Variants in KNDC1 observed in about 807,000 individuals in gnomAD.
KNDC1 encodes kinase non-catalytic C-lobe domain-containing protein 1.
In KNDC1, 106 loss-of-function variants were observed where a neutral mutation model predicts 172.8. The observed-to-expected ratio is 0.61, with a 90% CI of 0.52 to 0.72. The LOEUF (loss-of-function observed/expected upper bound fraction) is 0.72, where lower values mean the gene tolerates loss of function less well. Ranked by LOEUF, KNDC1 falls within the 30% of genes least tolerant of loss-of-function variation. The probability of loss-of-function intolerance (pLI) is 0.00; values close to 1 mark genes in which losing one functional copy is unlikely to be tolerated. For synonymous variants in KNDC1, 1,083 were observed against 1,062.2 expected (o/e 1.02, Z -0.38); for missense variants, 2,325 against 2,394.5 (o/e 0.97, Z 0.61).
At position 133,211,583 on chromosome 10, in the gene KNDC1, T is replaced by C. The variant is rs1270938408; in HGVS notation, c.4056+14T>C. 6 of 1,609,570 alleles carry C rather than the reference T, an allele frequency of 3.7e-6. No individual in the cohort carries two copies. In the South Asian group the frequency reaches 6.6e-5, roughly 18 times the overall value. On this transcript the variant is annotated intron_variant, in intron 22 of 29. Transcript: ENST00000304613. Reference sequence around the variant, plus strand: ...ATCTCCTCCAAGGTGACAGTGGCGCTGAGCTGGGCGGCCGCACCCGGGGCT... The same window carrying C: ...ATCTCCTCCAAGGTGACAGTGGCGCCGAGCTGGGCGGCCGCACCCGGGGCT...
At chr10:133,190,579 G>A (rs978840083) in intron 9 of KNDC1, among the ~76,000 whole-genome samples, 1 of 152,252 alleles carries the variant, frequency 6.6e-6, no homozygotes, top group Non-Finnish European at 1.5e-5. Flanking sequence ...AGGTAAAGAA[G>A]CCGGTGACCG....
chr10:133,201,270 C>T (rs1214732138), intron 16 of KNDC1, among the ~76,000 whole-genome samples: 1 of 152,184 alleles, frequency 6.6e-6, no homozygotes, highest in East Asian at 1.9e-4. Context: ...GAGTGGGGCT[C>T]CATCTGGGGA....
chr10:133,186,535 C>T lies in KNDC1; in HGVS notation c.1187C>T (p.Pro396Leu), dbSNP rs775007849. 2.3e-5 allele frequency: 37 copies of T among 1,611,832 alleles called. No homozygotes were observed. Among genetic ancestry groups the T allele is most frequent in the Non-Finnish European group, 2.9e-5 (34 of 1,179,886 alleles). The change falls in exon 6 of 30, where the codon CCC becomes CTC. Residue 396 changes from proline to leucine, a missense_variant. Physicochemically the swap from Pro to Leu is moderately conservative, Grantham distance 98 (BLOSUM62 -3). Transcript: ENST00000304613. ...GPGVPGSPGQ[P>L]ETSHPSQGPA... The stretch of plus-strand genomic sequence containing the variant: ...GGGGTGCCCGGCAGTCCAGGACAGC[C>T]CGAGACTTCACACCCCAGCCAGGGG...
At chr10:133,180,084 C>T (rs1035871135) in intron 3 of KNDC1, among the ~76,000 whole-genome samples, 2 of 152,232 alleles carry the variant, frequency 1.3e-5, no homozygotes, top group Non-Finnish European at 2.9e-5. Context: ...CAACATGACC[C>T]CCAGGGAACT....
intron 9 of KNDC1, among the ~76,000 whole-genome samples, chr10:133,191,891 G>C (rs573000856): frequency 1.2e-4 from 18 of 152,342 alleles, no homozygotes; most frequent in African/African-American, 4.3e-4. Flanking sequence ...AGTGTCCAGT[G>C]CCTGCCCTGG....
At chr10:133,200,671 G>A (rs1438435239) in intron 16 of KNDC1, among the ~76,000 whole-genome samples, 1 of 151,964 alleles carries the variant, frequency 6.6e-6, no homozygotes, top group Non-Finnish European at 1.5e-5. Context: ...CCAGCCAAAG[G>A]CCGTCCTCTC....
rs371220298 is a variant in KNDC1, at chr10:133,186,402, C to T, written c.1054C>T (p.Leu352Phe). 1.9e-6 allele frequency: 3 copies of T among 1,612,642 alleles called. No individual in the cohort carries two copies. Among genetic ancestry groups the T allele is most frequent in the Non-Finnish European group, 2.5e-6 (3 of 1,179,962 alleles). The change falls in exon 6 of 30, where the codon CTT (leucine) becomes TTT (phenylalanine). Residue 352 changes from leucine (L) to phenylalanine (F), a missense_variant. Transcript: ENST00000304613. ...RKAFLDRKNG[L>F]SSFQAQPKCR... ...GGCCTTTCTGGACAGGAAAAATGGC[C>T]TTTCTAGCTTCCAGGCTCAGCCCAA...
At chr10:133,189,024 A>G (rs1011698583) in intron 7 of KNDC1, among the ~76,000 whole-genome samples, 1 of 152,034 alleles carries the variant, frequency 6.6e-6, no homozygotes, top group African/African-American at 2.4e-5. Flanking sequence ...CATTCTCAAC[A>G]CAGTGACATT....
Position 133,207,194 on chromosome 10 carries a change from A to G in KNDC1, c.3637A>G (p.Ile1213Val), listed in dbSNP as rs1376266074. 2.5e-6 allele frequency: 4 copies of G among 1,611,068 alleles called. No homozygotes were observed. The highest frequency in any genetic ancestry group is 2.2e-5 in the South Asian group (2 of 90,874). The change falls in exon 20 of 30, where the codon ATC becomes GTC. Residue 1213 changes from isoleucine to valine, a missense_variant. Ile to Val is a conservative substitution (Grantham distance 29). Coordinates refer to ENST00000304613, the MANE Select transcript of KNDC1 (RefSeq NM_152643.8). ...CTGCACCCTCCCAGTGATCGTGAAC[A>G]TCGCGGCCGCACCCTGCGACACGCT... ...EPCTLPVIVN[I>V]AAAPCDTLDF...
At chr10:133,211,296 CTAAG>C in intron 21 of KNDC1, 122 bp from the exon 22 acceptor site, 1 of 863,914 alleles carries the variant, frequency 1.2e-6, no homozygotes, top group Non-Finnish European at 1.7e-6. Flanking sequence ...CCCCAGCCCC[CTAAG>C]CCCCCTGCAC....
chr10:133,200,469 T>C lies in KNDC1; in HGVS notation c.2989+9T>C. 1 of 1,537,388 alleles carries C rather than the reference T, an allele frequency of 6.5e-7. No homozygotes were observed. ...GTCGCTGCACCGCCTGGGTAAGTGC[T>C]GGGCGGGCCCCGCGGCAGGAGCTCT... On this transcript the variant is annotated intron_variant, in intron 16 of 29. Coordinates refer to ENST00000304613, the MANE Select transcript of KNDC1 (RefSeq NM_152643.8).
At chr10:133,205,824 A>G (rs1845170983) in intron 17 of KNDC1, among the ~76,000 whole-genome samples, 1 of 152,160 alleles carries the variant, frequency 6.6e-6, no homozygotes, top group Non-Finnish European at 1.5e-5. Context: ...AGCAGAGCGA[A>G]TCGGGCCACC....
intron 29 of KNDC1, 61 bp downstream of exon 29, chr10:133,220,173 C>G: frequency 7.0e-7 from 1 of 1,421,406 alleles, no homozygotes; most frequent in East Asian, 2.6e-5. Flanking sequence ...GGGCGCGCGC[C>G]CAGGAGAGGA....
intron 29 of KNDC1, among the ~76,000 whole-genome samples, chr10:133,221,840 T>A (rs9418949): frequency 3.3e-5 from 3 of 89,672 alleles, no homozygotes; most frequent in African/African-American, 1.1e-4. Flanking sequence ...TAGGCCGGGC[T>A]GGGTGCAGCC....
Position 133,197,217 on chromosome 10 carries a change from G to A in KNDC1, c.1812+82G>A, listed in dbSNP as rs888793750. ...TGGACGCACTTGCCCTTGCCTGGCC[G>A]CTCCCGGCAGCCCCACACCCCGGTC... On this transcript the variant is annotated intron_variant, in intron 11 of 29. Coordinates refer to ENST00000304613, the MANE Select transcript of KNDC1 (RefSeq NM_152643.8). The A allele has an allele frequency of 5.2e-5, 56 of 1,072,226 alleles. 1 individual carries two copies. Among genetic ancestry groups the A allele is most frequent in the Middle Eastern group, 2.6e-4 (1 of 3,846 alleles). The allele number at this position is 1,072,226 out of a possible 1,614,324, so 66.4% of individuals were successfully genotyped here.
intron 3 of KNDC1, chr10:133,179,268 G>C (rs1429332484): frequency 2.0e-5 from 3 of 152,190 alleles, no homozygotes; most frequent in Non-Finnish European, 2.9e-5. Context: ...GCAGAGCCCT[G>C]GCCAGTGAGG....
intron 7 of KNDC1, 76 bp downstream of exon 7, chr10:133,188,729 ACCCCCGCCGTCCCACC>A (rs1452412534): frequency 2.1e-5 from 6 of 287,678 alleles, no homozygotes; most frequent in African/African-American, 7.3e-5. Flanking sequence ...GCCGTCCCAC[ACCCCCGCCGTCCCACC>A]CCCCACACCG....
At chr10:133,187,741 T>C (rs1337985498) in intron 6 of KNDC1, among the ~76,000 whole-genome samples, 1 of 152,186 alleles carries the variant, frequency 6.6e-6, no homozygotes, top group African/African-American at 2.4e-5. Context: ...GCATGCCTGG[T>C]GTCACGGTGT....
chr10:133,182,983 AGGCGGCGT>A (rs1161520079), intron 3 of KNDC1, among the ~76,000 whole-genome samples: 22 of 136,536 alleles, frequency 1.6e-4, no homozygotes, highest in Admixed American at 4.3e-4. Flanking sequence ...GTGTGGGCAC[AGGCGGCGT>A]GGGCACAGGC....
Sources: gnomAD v4.1 joint callset for allele counts (sites outside exome capture counted in the v4.1 genomes callset) on GRCh38, gnomAD v4.1.1 for gene constraint, MANE v1.5 for transcripts, NCBI Gene and HGNC (gene_info 2026-07-23, HGNC 2026-07-21) for gene names.